Variants in RET observed in about 807,000 individuals in gnomAD.
The protein encoded by RET is proto-oncogene tyrosine-protein kinase receptor Ret.
RET carries 19 observed loss-of-function variants against 118.3 expected under a neutral mutation model. The ratio of observed to expected loss-of-function variants is 0.16; its 90% CI spans 0.11 to 0.24. The LOEUF is 0.24. RET is among the 10% of genes least tolerant of loss of function. The pLI is 1.00. For synonymous variants in RET, 597 were observed against 644.1 expected (o/e 0.93, Z 1.11); for missense variants, 1,219 against 1,502.1 (o/e 0.81, Z 3.12).
intron 15 of RET, among the ~76,000 whole-genome samples, chr10:43,120,822 C>T (rs1838199027): frequency 6.6e-6 from 1 of 152,158 alleles, no homozygotes; most frequent in African/African-American, 2.4e-5. Context: ...TTTTTCTGCC[C>T]ATGTCAGCCC....
chr10:43,116,626 G>A lies in RET; in HGVS notation c.2179G>A (p.Gly727Arg), dbSNP rs2132904612. ...WEFPRKNLVL[G>R]KTLGEGEFGK... is the part of the protein sequence containing the mutation. ...ATTCCCTCGGAAGAACTTGGTTCTT[G>A]GAAAAACTCTAGGAGAAGGCGAATT... The change falls in exon 12 of 20, where the codon GGA (glycine) becomes AGA (arginine). Residue 727 changes from glycine (G) to arginine (R), a missense_variant. Gly to Arg is a moderately radical substitution (Grantham distance 125). Coordinates refer to ENST00000355710, the MANE Select transcript of RET (RefSeq NM_020975.6). 1 of 1,614,226 alleles carries A rather than the reference G, an allele frequency of 6.2e-7. No homozygotes were observed. The highest frequency in any genetic ancestry group is 8.5e-7 in the Non-Finnish European group (1 of 1,180,038).
At chr10:43,102,259 C>T (rs2132676327) in intron 2 of RET, 83 bp from the exon 3 acceptor site, 7 of 1,559,534 alleles carry the variant, frequency 4.5e-6, no homozygotes, top group Non-Finnish European at 6.1e-6. Flanking sequence ...TTTACACCAG[C>T]CCTGGAGCTC....
Position 43,109,117 on chromosome 10 carries a change from C to G in RET, c.1150C>G (p.Pro384Ala), listed in dbSNP as rs536298339. The part of the protein sequence containing the change: ...VLVNDSDFQG[P>A]GAGVLLLHFN... ...GGTCAATGACTCAGACTTCCAGGGC[C>G]CAGGAGCGGGCGTCCTCTTGCTCCA... Residue 384 changes from proline to alanine, a missense_variant, in exon 6 of 20, where the codon CCA (proline) becomes GCA (alanine). Pro to Ala is a conservative substitution (Grantham distance 27, BLOSUM62 -1). Around this residue, in one of 5 missense-constraint regions of RET, gnomAD observed 850 missense variants for 969.6 expected, o/e 0.88. Transcript: ENST00000355710. 1.1e-5 allele frequency: 17 copies of G among 1,613,946 alleles called. No homozygotes were observed. In the East Asian group the frequency reaches 3.6e-4, roughly 34 times the overall value.
chr10:43,114,355 A>G lies in RET; in HGVS notation c.1880-125A>G, dbSNP rs1388900030. On this transcript the variant is annotated intron_variant, in intron 10 of 19. Transcript: ENST00000355710. This position sits in a 1 kb window ranked among gnomAD's most constrained non-coding sequence, Gnocchi z 4.6. ...TGTTCTCAGGCCTTCCCACACCTCC[A>G]TGGCCACTTCCCAGCTGGCGCGGAC... 5 of 1,351,900 alleles carry G rather than the reference A, an allele frequency of 3.7e-6. No homozygotes were observed. The highest frequency in any genetic ancestry group is 2.5e-5 in the South Asian group (2 of 80,886). 83.7% of individuals were successfully genotyped at this position (1,351,900 alleles called of 1,614,324 possible).
chr10:43,113,646 A>T lies in RET; in HGVS notation c.1850A>T (p.Lys617Met). 1.2e-6 allele frequency: 2 copies of T among 1,613,432 alleles called. No individual in the cohort carries two copies. The highest frequency in any genetic ancestry group is 2.2e-5 in the South Asian group (2 of 90,956). Residue 617 changes from lysine (K) to methionine (M), a missense_variant, in exon 10 of 20, where the codon AAG (lysine) becomes ATG (methionine). By Grantham distance (95) the Lys-to-Met change is moderately conservative. Coordinates refer to ENST00000355710, the MANE Select transcript of RET (RefSeq NM_020975.6). ...TGCAACTGCTTCCCTGAGGAGGAGA[A>T]GTGCTTCTGCGAGCCCGAAGACATC... is the stretch of plus-strand genomic sequence containing the variant. ...GTCNCFPEEE[K>M]CFCEPEDIQD...
At position 43,112,937 on chromosome 10, in the gene RET, T is replaced by A. The variant is rs1196065300; in HGVS notation, c.1733T>A (p.Ile578Asn). The A allele has an allele frequency of 2.5e-6, 4 of 1,613,942 alleles. No homozygotes were observed. Among genetic ancestry groups the A allele is most frequent in the Non-Finnish European group, 3.4e-6 (4 of 1,179,980 alleles). Residue 578 changes from isoleucine (I) to asparagine (N), a missense_variant, in exon 9 of 20, where the codon ATC becomes AAC. Around this residue, in one of 5 missense-constraint regions of RET, gnomAD observed 850 missense variants for 969.6 expected, o/e 0.88. Coordinates refer to ENST00000355710, the MANE Select transcript of RET (RefSeq NM_020975.6). ...TGCGATGTTGTGGAGACCCAAGACA[T>A]CAACATTTGCCCTCAGGACTGCCTC... ...GHCDVVETQD[I>N]NICPQDCLRG...
At position 43,114,157 on chromosome 10, in the gene RET, A is replaced by G. The variant is rs1343012377; in HGVS notation, c.1880-323A>G. On this transcript the variant is annotated intron_variant, in intron 10 of 19. Transcript: ENST00000355710. The surrounding 1 kb of genome is among the most constrained non-coding windows in gnomAD (Gnocchi z 4.6). ...ATGCCAAAGACATTTGGAACAGAGGAAAATTTTGACCTCCCCTGCCAGCCC... is the reference window on the plus strand; with the variant it reads ...ATGCCAAAGACATTTGGAACAGAGGGAAATTTTGACCTCCCCTGCCAGCCC... Among the ~76,000 whole-genome samples the G allele has an allele frequency of 6.6e-6, 1 of 152,180 alleles. No individual in the cohort carries two copies. The highest frequency in any genetic ancestry group is 1.9e-4 in the East Asian group (1 of 5,178).
At chr10:43,104,877 C>T (rs1455422158) in intron 3 of RET, 75 bp from the exon 4 acceptor site, 5 of 626,118 alleles carry the variant, frequency 8.0e-6, no homozygotes, top group South Asian at 3.5e-5. Context: ...GACCGCAGAG[C>T]CCCCTTCCCG....
intron 3 of RET, 40 bp from the exon 4 acceptor site, chr10:43,104,912 G>A (rs986713632): frequency 6.5e-7 from 1 of 1,543,016 alleles, no homozygotes; most frequent in Non-Finnish European, 8.7e-7. Context: ...CCCGGTCCCG[G>A]CTGGTGATCA....
intron 9 of RET, among the ~76,000 whole-genome samples, chr10:43,113,203 C>T (rs2132821322): frequency 6.6e-6 from 1 of 152,170 alleles, no homozygotes; most frequent in East Asian, 1.9e-4. Flanking sequence ...TCGGCACACA[C>T]AGATTTCAGA....
intron 2 of RET, among the ~76,000 whole-genome samples, chr10:43,101,519 G>A (rs1338112431): frequency 6.6e-6 from 1 of 152,256 alleles, no homozygotes; most frequent in African/African-American, 2.4e-5. Flanking sequence ...TCCTGGAGGA[G>A]GCAGCATCTG....
At chr10:43,090,736 G>C (rs1420721179) in intron 1 of RET, among the ~76,000 whole-genome samples, 6 of 150,664 alleles carry the variant, frequency 4.0e-5, no homozygotes, top group Non-Finnish European at 7.4e-5. Context: ...CCTTTTTTGC[G>C]CACCCAGGCG....
At chr10:43,118,963 A>G (rs1838138380) in intron 13 of RET, among the ~76,000 whole-genome samples, 1 of 152,212 alleles carries the variant, frequency 6.6e-6, no homozygotes, top group African/African-American at 2.4e-5. Context: ...GGTTTTCCAA[A>G]CCACCATGCT....
intron 2 of RET, 143 bp from the exon 3 acceptor site, chr10:43,102,199 C>T: frequency 1.0e-6 from 1 of 1,003,432 alleles, no homozygotes; most frequent in South Asian, 1.4e-5. Flanking sequence ...AGGTGGCAGG[C>T]AGAGCTGGAA....
intron 7 of RET, 121 bp from the exon 8 acceptor site, chr10:43,111,978 T>G (rs1837944630): frequency 1.4e-6 from 2 of 1,403,016 alleles, no homozygotes; most frequent in Non-Finnish European, 1.9e-6. Flanking sequence ...GGTCTGTCAC[T>G]CCGGTCCCCT....
intron 16 of RET, among the ~76,000 whole-genome samples, chr10:43,122,468 A>G (rs1838239777): frequency 6.6e-6 from 1 of 152,118 alleles, no homozygotes; most frequent in East Asian, 1.9e-4. Context: ...GAGTTTATAG[A>G]TTGGTGTGCC....
chr10:43,113,588 G>T lies in RET; in HGVS notation c.1792G>T (p.Glu598Ter). The T allele has an allele frequency of 6.2e-7, 1 of 1,611,502 alleles. No homozygotes were observed. Reference sequence around the variant, plus strand: ...CATTGTTGGGGGACACGAGCCTGGGGAGCCCCGGGGGATTAAAGCTGGCTA... The same window carrying T: ...CATTGTTGGGGGACACGAGCCTGGGTAGCCCCGGGGGATTAAAGCTGGCTA... ...GSIVGGHEPG[E>*]PRGIKAGYGT... Residue 598 changes from glutamate (E) to a stop codon, truncating the protein, a stop_gained, in exon 10 of 20, where the codon GAG becomes TAG. Coordinates refer to ENST00000355710, the MANE Select transcript of RET (RefSeq NM_020975.6). LOFTEE classifies it high-confidence loss of function.
intron 1 of RET, among the ~76,000 whole-genome samples, chr10:43,089,186 G>A (rs1340388276): frequency 1.3e-5 from 2 of 152,248 alleles, no homozygotes; most frequent in Non-Finnish European, 2.9e-5. Flanking sequence ...AGCGTGTGAT[G>A]ACTTCCCCAG....
chr10:43,095,998 T>G (rs1837515724), intron 1 of RET, among the ~76,000 whole-genome samples: 1 of 152,118 alleles, frequency 6.6e-6, no homozygotes, highest in African/African-American at 2.4e-5. Context: ...CGTCGGTGGG[T>G]GTGGTGTGTG....
Sources: gnomAD v4.1 joint callset for allele counts (sites outside exome capture counted in the v4.1 genomes callset) on GRCh38, gnomAD v4.1.1 for gene constraint, gnomAD v4.1.1 regional missense constraint, Gnocchi (gnomAD v3.1) non-coding constraint, MANE v1.5 for transcripts, NCBI Gene and HGNC (gene_info 2026-07-23, HGNC 2026-07-21) for gene names.